Variants in AOAH observed in about 807,000 individuals in gnomAD.
AOAH encodes the protein acyloxyacyl hydrolase.
AOAH carries 64 observed loss-of-function variants against 92.2 expected under a neutral mutation model. The observed-to-expected ratio is 0.69, with a 90% CI of 0.57 to 0.86. The LOEUF is 0.86. AOAH is among the 40% of genes least tolerant of loss of function. The pLI, the probability that AOAH is intolerant of heterozygous loss-of-function variation, is 0.00. For synonymous variants in AOAH, 263 were observed against 254.5 expected, an observed-to-expected ratio of 1.03 and a Z score of -0.32; for missense variants, 656 against 694.6, an observed-to-expected ratio of 0.94 and a Z score of 0.62.
intron 13 of AOAH, among the ~76,000 whole-genome samples, chr7:36,559,895 G>C (rs1787131520): frequency 1.3e-5 from 2 of 152,124 alleles, no homozygotes; most frequent in South Asian, 4.1e-4. Context: ...TAATCCATTT[G>C]AGTCAATTTT....
At chr7:36,537,218 A>G (rs1235785423) in intron 16 of AOAH, among the ~76,000 whole-genome samples, 4 of 145,456 alleles carry the variant, frequency 2.7e-5, no homozygotes, top group Non-Finnish European at 6.0e-5. Context: ...AGATGGTTTC[A>G]GCTTTCTCCT....
At chr7:36,547,492 G>A (rs191788986) in intron 15 of AOAH, among the ~76,000 whole-genome samples, 11 of 152,326 alleles carry the variant, frequency 7.2e-5, no homozygotes, top group Non-Finnish European at 1.2e-4. Flanking sequence ...GCAAACAGGC[G>A]GAGTGAGCAG....
At chr7:36,604,140 G>A (rs1455833338) in intron 11 of AOAH, among the ~76,000 whole-genome samples, 2 of 152,142 alleles carry the variant, frequency 1.3e-5, no homozygotes, top group Non-Finnish European at 2.9e-5. Flanking sequence ...TGAGGATGGA[G>A]CCCTGATGAC....
At chr7:36,604,267 T>C (rs2727812) in intron 11 of AOAH, among the ~76,000 whole-genome samples, 93,696 of 152,102 alleles carry the variant, frequency 0.62, 29,481 homozygotes, top group African/African-American at 0.74. Context: ...TAAGATAATG[T>C]TAAATAGGAT....
rs540394115 is a variant in AOAH at position 36,627,788 on chromosome 7, C to T, written c.521+4248G>A. Among the ~76,000 whole-genome samples, 16 of 152,270 alleles carry T rather than the reference C, an allele frequency of 1.1e-4. No individual in the cohort carries two copies. The South Asian group carries it at 3.3e-3, about 32-fold the overall frequency. On this transcript the variant is annotated intron_variant, in intron 6 of 20. Transcript: ENST00000617537. Reference sequence around the variant, plus strand: ...TCACTCGCTGCCCCTGCTCTGCACCCGCCTGCCACCAGATATCAGGTGAGT... The same window carrying T: ...TCACTCGCTGCCCCTGCTCTGCACCTGCCTGCCACCAGATATCAGGTGAGT...
chr7:36,610,371 T>C (rs1791363167), intron 11 of AOAH, among the ~76,000 whole-genome samples: 1 of 151,922 alleles, frequency 6.6e-6, no homozygotes, highest in African/African-American at 2.4e-5. Flanking sequence ...ATGACGTGTG[T>C]ATATATAATA....
chr7:36,683,846 T>C (rs1357068497), intron 2 of AOAH, among the ~76,000 whole-genome samples: 1 of 152,078 alleles, frequency 6.6e-6, no homozygotes, highest in Non-Finnish European at 1.5e-5. Flanking sequence ...CAACTCAAAT[T>C]AGCCGGGTGC....
At chr7:36,663,683 G>A (rs1227252666) in intron 3 of AOAH, among the ~76,000 whole-genome samples, 3 of 151,998 alleles carry the variant, frequency 2.0e-5, no homozygotes, top group Non-Finnish European at 2.9e-5. Context: ...ATTTCATTGC[G>A]TGGCTGTACC....
At chr7:36,576,712 T>C (rs1788526468) in intron 12 of AOAH, 56 bp from the exon 13 acceptor site, 1 of 888,270 alleles carries the variant, frequency 1.1e-6, no homozygotes, top group African/African-American at 1.7e-5. Flanking sequence ...TAAAGAAGTT[T>C]AAACAAACCA....
At chr7:36,656,427 A>T (rs1794897163) in intron 4 of AOAH, among the ~76,000 whole-genome samples, 1 of 152,190 alleles carries the variant, frequency 6.6e-6, no homozygotes, top group Non-Finnish European at 1.5e-5. Context: ...GCTGAACATT[A>T]TCTACGTCTG....
At chr7:36,552,239 G>A (rs1330296354) in intron 13 of AOAH, among the ~76,000 whole-genome samples, 4 of 152,172 alleles carry the variant, frequency 2.6e-5, no homozygotes, top group Non-Finnish European at 4.4e-5. Flanking sequence ...CCAATCATAA[G>A]TGAGAACATA....
At chr7:36,543,947 C>CTTTCT (rs55745823) in intron 15 of AOAH, among the ~76,000 whole-genome samples, 3,547 of 90,834 alleles carry the variant, frequency 0.039, 420 homozygotes, top group African/African-American at 0.15. Flanking sequence ...TTCTTTCTTT[C>CTTTCT]TTTTTTTTTT....
chr7:36,692,120 T>C (rs997507619), intron 1 of AOAH, among the ~76,000 whole-genome samples: 4 of 152,196 alleles, frequency 2.6e-5, no homozygotes, highest in African/African-American at 9.6e-5. Flanking sequence ...GGGTGGTTTG[T>C]AATACAGCAA....
At chr7:36,558,057 C>T (rs536917481) in intron 13 of AOAH, among the ~76,000 whole-genome samples, 255 of 152,196 alleles carry the variant, frequency 1.7e-3, no homozygotes, top group African/African-American at 5.2e-3. Flanking sequence ...GGAGGAGAGG[C>T]GCTCTGCTTT....
intron 7 of AOAH, among the ~76,000 whole-genome samples, chr7:36,622,517 G>A (rs1366180552): frequency 6.6e-6 from 1 of 152,102 alleles, no homozygotes; most frequent in African/African-American, 2.4e-5. Flanking sequence ...TTGCTTGTTG[G>A]TTTTCACAGG....
rs368454845 is a variant in AOAH, at chr7:36,583,625, T to C, written c.939-6969A>G. 4.3e-4 allele frequency among the ~76,000 whole-genome samples: 65 copies of C among 152,230 alleles called. No individual in the cohort carries two copies. In the East Asian group the frequency reaches 5.0e-3, roughly 12 times the overall value. On this transcript the variant is annotated intron_variant, in intron 12 of 20. Coordinates refer to ENST00000617537, the MANE Select transcript of AOAH (RefSeq NM_001637.4). The stretch of plus-strand genomic sequence containing the variant: ...ACAGAGGAGGTCCTAGGAGTTCACA[T>C]ACAAAAAGATTAGCAGGACAGCATG...
intron 12 of AOAH, among the ~76,000 whole-genome samples, chr7:36,577,914 C>T (rs1221694823): frequency 6.6e-6 from 1 of 152,148 alleles, no homozygotes; most frequent in African/African-American, 2.4e-5. Flanking sequence ...TATATGAAAG[C>T]TTACTAATTG....
At chr7:36,690,710 G>T (rs1047920172) in intron 1 of AOAH, among the ~76,000 whole-genome samples, 2 of 152,292 alleles carry the variant, frequency 1.3e-5, no homozygotes, top group Admixed American at 6.5e-5. Context: ...ATTTTGCTCA[G>T]TGGTCACCAT....
rs370998094 is a variant in AOAH, at chr7:36,633,513, G to T, written c.451-1407C>A. Among the ~76,000 whole-genome samples, 21 of 152,302 alleles carry T rather than the reference G, an allele frequency of 1.4e-4. No homozygotes were observed. The East Asian group carries it at 3.9e-3, about 28-fold the overall frequency. ...TGAAGTAGCCTGGCTCCCGGAAGAG[G>T]GAGTGCCCGAGCAGTGCTGTGGAGG... On this transcript the variant is annotated intron_variant, in intron 5 of 20. Coordinates refer to ENST00000617537, the MANE Select transcript of AOAH (RefSeq NM_001637.4).
Sources: gnomAD v4.1 joint callset for allele counts (sites outside exome capture counted in the v4.1 genomes callset) on GRCh38, gnomAD v4.1.1 for gene constraint, MANE v1.5 for transcripts, NCBI Gene and HGNC (gene_info 2026-07-23, HGNC 2026-07-21) for gene names.